SSBP3: variants seen among roughly 807,000 people sequenced by gnomAD.
SSBP3 encodes the protein single stranded DNA binding protein 3, also known as single-stranded DNA-binding protein 3.
Under a neutral mutation model 69.6 loss-of-function variants are expected in SSBP3, and 5 were observed. The ratio of observed to expected loss-of-function variants is 0.07; its 90% CI spans 0.04 to 0.15. The LOEUF is 0.15. SSBP3 is among the 10% of genes least tolerant of loss of function. SSBP3 has a pLI of 1.00. For missense variants in SSBP3, 312 were observed against 534.0 expected, an observed-to-expected ratio of 0.58 and a Z score of 4.10; for synonymous variants, 196 against 193.4, an observed-to-expected ratio of 1.01 and a Z score of -0.11.
At chr1:54,292,620 C>T (rs950446802) in intron 4 of SSBP3, among the ~76,000 whole-genome samples, 4 of 152,182 alleles carry the variant, frequency 2.6e-5, no homozygotes, top group South Asian at 2.1e-4. Context: ...GAAGGTTTGT[C>T]GCACTCAGAC....
At chr1:54,404,546 C>A (rs1374399943) in intron 3 of SSBP3, 30 bp downstream of exon 3, 1 of 1,612,170 alleles carries the variant, frequency 6.2e-7, no homozygotes, top group East Asian at 2.2e-5. Flanking sequence ...ACAAAACAAA[C>A]ACACATGCAA....
chr1:54,264,559 T>C (rs553424747), intron 5 of SSBP3, among the ~76,000 whole-genome samples: 2 of 152,342 alleles, frequency 1.3e-5, no homozygotes, highest in Non-Finnish European at 2.9e-5. Context: ...TGACCTGTGC[T>C]GAAGGCACTG....
chr1:54,288,239 G>A (rs1190405497), intron 4 of SSBP3, among the ~76,000 whole-genome samples: 1 of 152,212 alleles, frequency 6.6e-6, no homozygotes, highest in African/African-American at 2.4e-5. Flanking sequence ...AGGGTCCCAG[G>A]ATCAGGATTC....
chr1:54,367,691 T>C (rs1055376050), intron 4 of SSBP3, among the ~76,000 whole-genome samples: 4 of 152,186 alleles, frequency 2.6e-5, no homozygotes, highest in African/African-American at 9.7e-5. Flanking sequence ...GTCCCCACCT[T>C]TGCTAGGAGC....
At chr1:54,390,115 C>T (rs1648380132) in intron 4 of SSBP3, among the ~76,000 whole-genome samples, 2 of 152,130 alleles carry the variant, frequency 1.3e-5, no homozygotes, top group African/African-American at 2.4e-5. Context: ...TCTTCCGTCA[C>T]GAAATGGGAG....
intron 4 of SSBP3, among the ~76,000 whole-genome samples, chr1:54,290,366 C>T (rs545548308): frequency 2.7e-4 from 41 of 152,302 alleles, no homozygotes; most frequent in South Asian, 4.1e-4. Flanking sequence ...CAGCAACCGG[C>T]GGCCCAGAGC....
chr1:54,285,668 T>C (rs1645475167), intron 4 of SSBP3, among the ~76,000 whole-genome samples: 1 of 151,914 alleles, frequency 6.6e-6, no homozygotes, highest in Admixed American at 6.6e-5. Context: ...CCTCTGTGGT[T>C]TCCAACTTTG....
intron 10 of SSBP3, among the ~76,000 whole-genome samples, 176 bp from the exon 11 acceptor site, chr1:54,242,388 C>A (rs1226269721): frequency 6.6e-6 from 1 of 152,158 alleles, no homozygotes; most frequent in Non-Finnish European, 1.5e-5. Context: ...GGGTGGAAAT[C>A]TATGAATTGC....
chr1:54,232,957 T>G (rs1336549797), intron 14 of SSBP3, among the ~76,000 whole-genome samples: 1 of 152,148 alleles, frequency 6.6e-6, no homozygotes, highest in Non-Finnish European at 1.5e-5. Flanking sequence ...GCCGCCTGCC[T>G]TGGCCTCCCA....
intron 4 of SSBP3, among the ~76,000 whole-genome samples, chr1:54,283,212 G>C (rs1446343413): frequency 1.3e-5 from 2 of 149,476 alleles, no homozygotes; most frequent in African/African-American, 4.9e-5. Context: ...AGGTTGCAGT[G>C]AGCCAAGATT....
At chr1:54,262,962 G>GTCT in intron 5 of SSBP3, among the ~76,000 whole-genome samples, 1 of 152,148 alleles carries the variant, frequency 6.6e-6, no homozygotes, top group Non-Finnish European at 1.5e-5. Flanking sequence ...ATCTCAGCTG[G>GTCT]CCCCAAGATC....
chr1:54,272,086 G>A (rs1433271750), intron 5 of SSBP3, among the ~76,000 whole-genome samples: 1 of 152,194 alleles, frequency 6.6e-6, no homozygotes. Flanking sequence ...GGGCTTTTCT[G>A]AGAGAAAAGT....
At chr1:54,273,761 GCAGGGCT>G (rs1645236535) in intron 5 of SSBP3, among the ~76,000 whole-genome samples, 1 of 152,234 alleles carries the variant, frequency 6.6e-6, no homozygotes, top group African/African-American at 2.4e-5. Flanking sequence ...GAATTTGGCA[GCAGGGCT>G]GGTATCCCAG....
chr1:54,375,974 G>GATA (rs1647219035), intron 4 of SSBP3, among the ~76,000 whole-genome samples: 1 of 151,916 alleles, frequency 6.6e-6, no homozygotes, highest in African/African-American at 2.4e-5. Flanking sequence ...GAAGGAGAGG[G>GATA]ATAAGTAGGA....
rs372030814 is a variant in SSBP3, at chr1:54,228,246, G to A, written c.1137+9C>T. Reference sequence around the variant, plus strand: ...GGGACGAGAGCAACAGGCAGGGGGCGAGGCTTACATTGTCGTTCTGAAAGG... The same window carrying A: ...GGGACGAGAGCAACAGGCAGGGGGCAAGGCTTACATTGTCGTTCTGAAAGG... On this transcript the variant is annotated intron_variant, in intron 17 of 17. Coordinates refer to ENST00000610401, the Ensembl canonical transcript of SSBP3. 29 of 1,610,588 alleles carry A rather than the reference G, an allele frequency of 1.8e-5. No homozygotes were observed. Among genetic ancestry groups the A allele is most frequent in the East Asian group, 2.2e-5 (1 of 44,864 alleles).
intron 10 of SSBP3, 101 bp downstream of exon 10, chr1:54,243,134 G>GGTA (rs1408452552): frequency 2.9e-6 from 3 of 1,024,368 alleles, no homozygotes; most frequent in Admixed American, 3.4e-5. Context: ...GGTCCAGAGA[G>GGTA]GTACCAGCAA....
At chr1:54,263,769 G>A (rs910628729) in intron 5 of SSBP3, among the ~76,000 whole-genome samples, 2 of 152,214 alleles carry the variant, frequency 1.3e-5, no homozygotes, top group Non-Finnish European at 2.9e-5. Context: ...CCTTGGGGCA[G>A]GGCCCAAACA....
rs1649111599 is a variant in SSBP3, at chr1:54,399,173, T to C, written c.276+2688A>G. Among the ~76,000 whole-genome samples, 3 of 152,332 alleles carry C rather than the reference T, an allele frequency of 2.0e-5. No individual in the cohort carries two copies. In the South Asian group the frequency reaches 6.2e-4, roughly 32 times the overall value. The stretch of plus-strand genomic sequence containing the variant: ...CTGTGGGAGCTACAGAGATGAATAG[T>C]TCACGGTCTCCACCATGGAAAAAAT... On this transcript the variant is annotated intron_variant, in intron 4 of 17. Transcript: ENST00000610401.
intron 4 of SSBP3, among the ~76,000 whole-genome samples, chr1:54,357,770 C>A (rs1646891419): frequency 6.6e-6 from 1 of 152,232 alleles, no homozygotes; most frequent in African/African-American, 2.4e-5. Context: ...GTCTTCTTTG[C>A]CAAGTAATAA....
Sources: allele counts gnomAD v4.1 joint callset (sites outside exome capture counted in the v4.1 genomes callset), GRCh38; gene constraint gnomAD v4.1.1; transcripts MANE v1.5; gene names NCBI Gene and HGNC (gene_info 2026-07-23, HGNC 2026-07-21).